UBE2W: variants seen among roughly 807,000 people sequenced by gnomAD.
The protein encoded by UBE2W is ubiquitin-conjugating enzyme E2 W.
Under a neutral mutation model 27.2 loss-of-function variants are expected in UBE2W, and 18 were observed. The observed-to-expected ratio is 0.66, with a 90% confidence interval of 0.46 to 0.98. The LOEUF is 0.98. UBE2W is among the 50% of genes least tolerant of loss of function. The pLI, the probability that UBE2W is intolerant of heterozygous loss-of-function variation, is 0.00. For synonymous variants in UBE2W, 53 were observed against 57.2 expected (o/e 0.93, Z 0.33); for missense variants, 90 against 180.2 (o/e 0.50, Z 2.87).
chr8:73,833,377 T>C lies in UBE2W; in HGVS notation c.16-2905A>G, dbSNP rs1374973542. On this transcript the variant is annotated intron_variant, in intron 1 of 5. Transcript: ENST00000602593. ...ATATTAATAAAATTTTAAATGATTTTATATGTATAATTTTTAAAAAATTTT... is the reference window on the plus strand; with the variant it reads ...ATATTAATAAAATTTTAAATGATTTCATATGTATAATTTTTAAAAAATTTT... Among the ~76,000 whole-genome samples, 4 of 151,796 alleles carry C rather than the reference T, an allele frequency of 2.6e-5. No individual in the cohort carries two copies. The East Asian group carries it at 7.7e-4, about 29-fold the overall frequency.
intron 1 of UBE2W, among the ~76,000 whole-genome samples, chr8:73,854,367 A>C (rs1811201011): frequency 6.6e-6 from 1 of 152,200 alleles, no homozygotes; most frequent in Non-Finnish European, 1.5e-5. Context: ...ATCAAAAGGC[A>C]GCTTCCAGAG....
intron 1 of UBE2W, among the ~76,000 whole-genome samples, chr8:73,839,726 G>GTT (rs149185338): frequency 0.029 from 3,542 of 123,078 alleles, 198 homozygotes; most frequent in African/African-American, 0.1. Context: ...TTCTTTTTTG[G>GTT]TTTTTTTTTT....
At chr8:73,780,919 C>T (rs113414794) in intron 4 of UBE2W, among the ~76,000 whole-genome samples, 1 of 152,094 alleles carries the variant, frequency 6.6e-6, no homozygotes, top group Non-Finnish European at 1.5e-5. Flanking sequence ...TCAGGGTGAT[C>T]GCTTCAAAGA....
chr8:73,819,008 A>C (rs1809502194), intron 3 of UBE2W, among the ~76,000 whole-genome samples: 1 of 151,564 alleles, frequency 6.6e-6, no homozygotes, highest in African/African-American at 2.4e-5. Flanking sequence ...TAAGCCTTAC[A>C]CTCCCCTTCC....
At position 73,854,076 on chromosome 8, in the gene UBE2W, G is replaced by A. The variant is rs114597748; in HGVS notation, c.16-23604C>T. On this transcript the variant is annotated intron_variant, in intron 1 of 5. Transcript: ENST00000602593. ...AGGAGGGAGGATCACTTGAGCCTGA[G>A]AGGTCAAAGCTGTAGTGAACCCTGA... 8.6e-3 allele frequency among the ~76,000 whole-genome samples: 1,306 copies of A among 152,226 alleles called. 25 individuals carry two copies. Among genetic ancestry groups the A allele is most frequent in the African/African-American group, 0.03 (1,260 of 41,528 alleles).
At chr8:73,817,602 C>G (rs1241945728) in intron 3 of UBE2W, among the ~76,000 whole-genome samples, 2 of 152,012 alleles carry the variant, frequency 1.3e-5, no homozygotes, top group Admixed American at 6.6e-5. Context: ...TCTGCAACCT[C>G]CATCTTCCAG....
chr8:73,806,729 T>C (rs1371346953), intron 4 of UBE2W, among the ~76,000 whole-genome samples: 1 of 151,778 alleles, frequency 6.6e-6, no homozygotes, highest in African/African-American at 2.4e-5. Context: ...AACAGAAAAG[T>C]CTACTAAACT....
intron 1 of UBE2W, among the ~76,000 whole-genome samples, chr8:73,858,051 C>G (rs1304340367): frequency 6.6e-6 from 1 of 151,584 alleles, no homozygotes. Context: ...ATAGTGAAAC[C>G]CCATCTCTAC....
intron 4 of UBE2W, among the ~76,000 whole-genome samples, chr8:73,807,194 T>C (rs1808945919): frequency 6.6e-6 from 1 of 152,262 alleles, no homozygotes; most frequent in African/African-American, 2.4e-5. Flanking sequence ...AACTTGATTA[T>C]TTTCCTATCA....
At chr8:73,860,760 A>G (rs902524929) in intron 1 of UBE2W, among the ~76,000 whole-genome samples, 11 of 152,198 alleles carry the variant, frequency 7.2e-5, no homozygotes, top group African/African-American at 2.7e-4. Flanking sequence ...CTGCTAGGTA[A>G]GTTTTAAAAA....
intron 1 of UBE2W, among the ~76,000 whole-genome samples, chr8:73,865,851 T>C (rs188452526): frequency 6.6e-6 from 1 of 152,292 alleles, no homozygotes; most frequent in Admixed American, 6.5e-5. Flanking sequence ...GCAGCAATAT[T>C]TAAAGAAAAG....
chr8:73,873,760 A>C lies in UBE2W; in HGVS notation c.15+5048T>G, dbSNP rs535801928. 3.9e-5 allele frequency among the ~76,000 whole-genome samples: 6 copies of C among 152,306 alleles called. No homozygotes were observed. In the South Asian group the frequency reaches 1.2e-3, roughly 32 times the overall value. ...ACTTTATCTCCTGTTATTAAATCTCAACCTCCTTCCATCCCTACAAATTGA... is the reference window on the plus strand; with the variant it reads ...ACTTTATCTCCTGTTATTAAATCTCCACCTCCTTCCATCCCTACAAATTGA... On this transcript the variant is annotated intron_variant, in intron 1 of 5. Coordinates refer to ENST00000602593, the MANE Select transcript of UBE2W (RefSeq NM_018299.6).
At chr8:73,857,025 C>G (rs780041108) in intron 1 of UBE2W, among the ~76,000 whole-genome samples, 1 of 152,008 alleles carries the variant, frequency 6.6e-6, no homozygotes, top group Non-Finnish European at 1.5e-5. Flanking sequence ...TAAAATGAAC[C>G]GCTAACTTTA....
intron 1 of UBE2W, among the ~76,000 whole-genome samples, chr8:73,840,196 A>G (rs1313960231): frequency 1.3e-5 from 2 of 151,884 alleles, no homozygotes. Flanking sequence ...AGCTGGGACT[A>G]CAGGTGCCTG....
At chr8:73,808,999 C>T (rs1809033787) in intron 4 of UBE2W, among the ~76,000 whole-genome samples, 1 of 152,304 alleles carries the variant, frequency 6.6e-6, no homozygotes, top group East Asian at 1.9e-4. Flanking sequence ...ACATTAATCT[C>T]TTAATAACTT....
chr8:73,824,758 C>A lies in UBE2W; in HGVS notation c.210+389G>T, dbSNP rs138848055. ...TCGTACTCCTATGAGAATCTAATGC[C>A]ATCGCTGATCTGACAGGAGGCAGAG... On this transcript the variant is annotated intron_variant, in intron 3 of 5. Transcript: ENST00000602593. 5.3e-4 allele frequency among the ~76,000 whole-genome samples: 81 copies of A among 152,302 alleles called. No homozygotes were observed. The East Asian group carries it at 0.01, about 20-fold the overall frequency.
chr8:73,867,072 A>G (rs534019159), intron 1 of UBE2W, among the ~76,000 whole-genome samples: 1 of 152,274 alleles, frequency 6.6e-6, no homozygotes, highest in East Asian at 1.9e-4. Flanking sequence ...ATGTAGTCTA[A>G]ATATATAAAG....
chr8:73,798,166 C>A (rs997203775), intron 5 of UBE2W, among the ~76,000 whole-genome samples: 1 of 151,974 alleles, frequency 6.6e-6, no homozygotes, highest in Non-Finnish European at 1.5e-5. Flanking sequence ...CATGGTGGTA[C>A]GTTGTCTGTA....
At chr8:73,818,040 TAA>T (rs964669179) in intron 3 of UBE2W, among the ~76,000 whole-genome samples, 1 of 152,204 alleles carries the variant, frequency 6.6e-6, no homozygotes, top group Non-Finnish European at 1.5e-5. Context: ...ACTTTTCACA[TAA>T]ACTCTTTTTG....
Sources: allele counts gnomAD v4.1 joint callset (sites outside exome capture counted in the v4.1 genomes callset), GRCh38; gene constraint gnomAD v4.1.1; transcripts MANE v1.5; gene names NCBI Gene and HGNC (gene_info 2026-07-23, HGNC 2026-07-21).